The following ITPR2 variants were observed in gnomAD, a reference collection of about 807,000 sequenced individuals.
ITPR2 encodes the protein inositol 1,4,5-trisphosphate-gated calcium channel ITPR2.
In ITPR2, 207 loss-of-function variants were observed where a neutral mutation model predicts 317.1. The observed-to-expected ratio is 0.65, with a 90% CI of 0.58 to 0.73. The LOEUF (loss-of-function observed/expected upper bound fraction) is 0.73. ITPR2 is among the 30% of genes least tolerant of loss of function. ITPR2 has a pLI of 0.00. For missense variants in ITPR2, 2,613 were observed against 3,284.0 expected, an observed-to-expected ratio of 0.80 and a Z score of 4.99; for synonymous variants, 1,156 against 1,149.1, an observed-to-expected ratio of 1.01 and a Z score of -0.12.
rs778453401 is a variant in ITPR2, at chr12:26,415,426, T to C, written c.7183A>G (p.Ile2395Val). 6.2e-7 allele frequency: 1 copy of C among 1,612,466 alleles called. No individual in the cohort carries two copies. The highest frequency in any genetic ancestry group is 8.5e-7 in the Non-Finnish European group (1 of 1,178,986). The change falls in exon 51 of 57, where the codon ATT becomes GTT. Residue 2395 changes from isoleucine to valine, a missense_variant. Ile to Val is a conservative substitution (Grantham distance 29). This residue lies in a region of ITPR2 where 14 missense variants were observed against 48.2 expected (regional missense o/e 0.29). Transcript: ENST00000381340. The part of the protein sequence containing the change: ...IKSVTRNGRS[I>V]ILTAVLALIL... ...AGAGCCAGGACTGCAGTTAGAATAA[T>C]AGAGCGGCCATTTCGTGTGACACTT...
chr12:26,798,239 T>A lies in ITPR2; in HGVS notation c.93-8012A>T, dbSNP rs77698784. Among the ~76,000 whole-genome samples the A allele has an allele frequency of 5.9e-5, 9 of 152,286 alleles. No homozygotes were observed. In the East Asian group the frequency reaches 1.7e-3, roughly 29 times the overall value. On this transcript the variant is annotated intron_variant, in intron 1 of 56. Transcript: ENST00000381340. Reference sequence around the variant, plus strand: ...GAGAAGAAAAAAACCTGACTTCTCATCCTTGACCAGCTGTGTTTATGCTAG... The same window carrying A: ...GAGAAGAAAAAAACCTGACTTCTCAACCTTGACCAGCTGTGTTTATGCTAG...
In ITPR2 at chr12:26,637,979, A is replaced by G. The variant is rs1402984607; in HGVS notation, c.2741-5920T>C. Among the ~76,000 whole-genome samples, 3 of 152,216 alleles carry G rather than the reference A, an allele frequency of 2.0e-5. No homozygotes were observed. In the South Asian group the frequency reaches 6.2e-4, roughly 31 times the overall value. On this transcript the variant is annotated intron_variant, in intron 21 of 56. Coordinates refer to ENST00000381340, the MANE Select transcript of ITPR2 (RefSeq NM_002223.4). ...ATTCCAACTTTACAAGGGCTTAGAAATAGAACAAAACAAAAACCAACCAAA... is the reference window on the plus strand; with the variant it reads ...ATTCCAACTTTACAAGGGCTTAGAAGTAGAACAAAACAAAAACCAACCAAA...
intron 2 of ITPR2, among the ~76,000 whole-genome samples, chr12:26,739,948 G>T (rs1391127935): frequency 5.3e-5 from 8 of 152,134 alleles, no homozygotes; most frequent in African/African-American, 1.7e-4. Flanking sequence ...TAGTTGTTGT[G>T]GTTTGGTTTG....
Position 26,566,162 on chromosome 12 carries a change from AAGAGGAGAGGGG to A in ITPR2, c.4631-4222_4631-4211del, listed in dbSNP as rs1351707918. 3.4e-5 allele frequency among the ~76,000 whole-genome samples: 3 copies of A among 89,030 alleles called. No individual in the cohort carries two copies. The South Asian group carries it at 1.5e-3, about 45-fold the overall frequency. The allele number at this position is 89,030 out of a possible 152,430, so 58.4% of individuals were successfully genotyped here. ...AGGAGAGGAAAGGAGAAGGAGAGGA[AAGAGGAGAGGGG>A]AGAGGAGAGGGAGAGGGAGATGAGA... On this transcript the variant is annotated intron_variant, in intron 34 of 56. Transcript: ENST00000381340.
intron 45 of ITPR2, among the ~76,000 whole-genome samples, chr12:26,460,511 A>G (rs1941991767): frequency 6.6e-6 from 1 of 152,224 alleles, no homozygotes. Flanking sequence ...GAAAGTGGAA[A>G]GCACAAAAAA....
chr12:26,461,696 ACACACACAC>A, intron 45 of ITPR2, among the ~76,000 whole-genome samples: 1 of 25,572 alleles, frequency 3.9e-5, no homozygotes, highest in Non-Finnish European at 1.3e-4. Flanking sequence ...ATATATACAC[ACACACACAC>A]ACACACACAC....
intron 34 of ITPR2, 62 bp downstream of exon 34, chr12:26,578,651 T>G (rs1171115544): frequency 6.7e-7 from 1 of 1,494,280 alleles, no homozygotes; most frequent in East Asian, 2.3e-5. Context: ...TGTTGCCCAT[T>G]AGCCAAAAAC....
chr12:26,387,349 A>G, intron 55 of ITPR2, 85 bp downstream of exon 55: 2 of 1,258,582 alleles, frequency 1.6e-6, no homozygotes, highest in East Asian at 2.3e-5. Context: ...TACAATCTTC[A>G]TATTTTGGGA....
rs1262922629 is a variant in ITPR2 at position 26,699,403 on chromosome 12, G to A, written c.952-3753C>T. Among the ~76,000 whole-genome samples the A allele has an allele frequency of 2.6e-5, 4 of 152,132 alleles. No homozygotes were observed. In the East Asian group the frequency reaches 7.7e-4, roughly 29 times the overall value. Reference sequence around the variant, plus strand: ...AGGAAACACCAGCATCTTTAGGAAAGGTGGCCTAATGCCCATGGAACTCAG... The same window carrying A: ...AGGAAACACCAGCATCTTTAGGAAAAGTGGCCTAATGCCCATGGAACTCAG... On this transcript the variant is annotated intron_variant, in intron 9 of 56. Transcript: ENST00000381340.
intron 2 of ITPR2, among the ~76,000 whole-genome samples, chr12:26,776,921 T>A (rs1949983743): frequency 6.6e-6 from 1 of 152,124 alleles, no homozygotes; most frequent in South Asian, 2.1e-4. Context: ...CATGAGGAGG[T>A]GCACTACACT....
At chr12:26,656,637 A>C in intron 18 of ITPR2, 89 bp from the exon 19 acceptor site, 1 of 1,333,264 alleles carries the variant, frequency 7.5e-7, no homozygotes. Flanking sequence ...TGTTTAAGAC[A>C]CCTGTATTTC....
chr12:26,534,376 T>G (rs1208717348), intron 37 of ITPR2, among the ~76,000 whole-genome samples: 1 of 152,176 alleles, frequency 6.6e-6, no homozygotes, highest in Admixed American at 6.5e-5. Flanking sequence ...AATGGTTTGA[T>G]CTCAACTAAG....
intron 45 of ITPR2, among the ~76,000 whole-genome samples, chr12:26,463,920 C>T (rs570422126): frequency 1.3e-5 from 2 of 152,236 alleles, no homozygotes; most frequent in South Asian, 2.1e-4. Flanking sequence ...ACGCACAGCA[C>T]GCTAAATATT....
chr12:26,793,836 A>G (rs1033228528), intron 1 of ITPR2, among the ~76,000 whole-genome samples: 3 of 152,194 alleles, frequency 2.0e-5, no homozygotes, highest in African/African-American at 7.2e-5. Flanking sequence ...TGTCCCAGAA[A>G]ATTATCAAAA....
intron 34 of ITPR2, among the ~76,000 whole-genome samples, chr12:26,566,730 C>T (rs140411184): frequency 5.9e-5 from 9 of 152,306 alleles, no homozygotes; most frequent in African/African-American, 2.2e-4. Context: ...GCTTAAATTT[C>T]CTTAGTAAAT....
chr12:26,796,872 A>G (rs1014124532), intron 1 of ITPR2, among the ~76,000 whole-genome samples: 3 of 152,162 alleles, frequency 2.0e-5, no homozygotes, highest in African/African-American at 4.8e-5. Context: ...CGTCTCTACT[A>G]AAAATACAAA....
chr12:26,491,482 CAAAAAAAAAAAAAAA>C (rs57612774), intron 39 of ITPR2, among the ~76,000 whole-genome samples: 1 of 57,830 alleles, frequency 1.7e-5, no homozygotes, highest in Admixed American at 2.6e-4. Context: ...GACTCCATCT[CAAAAAAAAAAAAAAA>C]AAAAAAAAAA....
rs1428350307 is a variant in ITPR2 at position 26,657,761 on chromosome 12, G to T, written c.2138C>A (p.Ala713Asp). The change falls in exon 18 of 57, where the codon GCT becomes GAT. Residue 713 changes from alanine (A) to aspartate (D), a missense_variant. By Grantham distance (126) the Ala-to-Asp change is moderately radical (BLOSUM62 -2). Coordinates refer to ENST00000381340, the MANE Select transcript of ITPR2 (RefSeq NM_002223.4). ...EPHGKAIRHLAQEAKEGTKAD... is the reference protein window; with the variant it reads ...EPHGKAIRHLDQEAKEGTKAD... ...TTTGGTGCCTTCTTTTGCCTCTTGA[G>T]CAAGGTGCCTGATAGCTTTGCCATG... 2 of 1,614,020 alleles carry T rather than the reference G, an allele frequency of 1.2e-6. No individual in the cohort carries two copies. Among genetic ancestry groups the T allele is most frequent in the African/African-American group, 2.7e-5 (2 of 74,908 alleles).
intron 13 of ITPR2, among the ~76,000 whole-genome samples, chr12:26,671,246 A>G (rs1450219917): frequency 2.0e-5 from 3 of 151,964 alleles, no homozygotes; most frequent in Non-Finnish European, 4.4e-5. Context: ...ACACATAATT[A>G]TCAGATTCAC....
Sources: gnomAD v4.1 joint callset for allele counts (sites outside exome capture counted in the v4.1 genomes callset) on GRCh38, gnomAD v4.1.1 for gene constraint, gnomAD v4.1.1 regional missense constraint, MANE v1.5 for transcripts, NCBI Gene and HGNC (gene_info 2026-07-23, HGNC 2026-07-21) for gene names.